ARHGAP39: variants seen among roughly 807,000 people sequenced by gnomAD.
The protein encoded by ARHGAP39 is rho GTPase-activating protein 39.
ARHGAP39 carries 44 observed loss-of-function variants against 106.9 expected under a neutral mutation model. The observed-to-expected ratio is 0.41, with a 90% confidence interval of 0.32 to 0.53. The LOEUF is 0.53. ARHGAP39 is among the 20% of genes least tolerant of loss of function. ARHGAP39 has a pLI of 0.21. For missense variants in ARHGAP39, 1,496 were observed against 1,577.3 expected (o/e 0.95, Z 0.87); for synonymous variants, 768 against 693.2 (o/e 1.11, Z -1.69).
chr8:144,581,788 C>G (rs1434665156), intron 2 of ARHGAP39, among the ~76,000 whole-genome samples: 1 of 152,172 alleles, frequency 6.6e-6, no homozygotes, highest in Non-Finnish European at 1.5e-5. Context: ...GGCCAAGGGC[C>G]CAGCTGGCTC....
chr8:144,603,704 AAG>A (rs1554605173), intron 2 of ARHGAP39, among the ~76,000 whole-genome samples: 2 of 151,684 alleles, frequency 1.3e-5, no homozygotes, highest in African/African-American at 2.4e-5. Flanking sequence ...AAAAAAAAAA[AAG>A]AGGCCAAAAA....
chr8:144,533,428 C>G, intron 8 of ARHGAP39, 103 bp from the exon 9 acceptor site: 1 of 1,178,784 alleles, frequency 8.5e-7, no homozygotes, highest in Non-Finnish European at 1.2e-6. Flanking sequence ...TGGCGCTCTT[C>G]AGAATTCCTG....
intron 3 of ARHGAP39, among the ~76,000 whole-genome samples, chr8:144,569,478 G>A (rs1818512008): frequency 6.6e-6 from 1 of 152,220 alleles, no homozygotes; most frequent in Admixed American, 6.5e-5. Context: ...ACGGATACAT[G>A]TAACAACATG....
chr8:144,633,686 G>T (rs1821118680), intron 1 of ARHGAP39, among the ~76,000 whole-genome samples: 1 of 152,172 alleles, frequency 6.6e-6, no homozygotes, highest in African/African-American at 2.4e-5. Context: ...TTTGAAATTT[G>T]GGCCCCACTG....
intron 1 of ARHGAP39, among the ~76,000 whole-genome samples, chr8:144,677,302 G>C (rs1822268231): frequency 6.6e-6 from 1 of 152,196 alleles, no homozygotes; most frequent in Non-Finnish European, 1.5e-5. Flanking sequence ...AGGTGAACCA[G>C]TTTCCAACTG....
At chr8:144,617,743 G>A (rs1287807185) in intron 1 of ARHGAP39, among the ~76,000 whole-genome samples, 1 of 152,140 alleles carries the variant, frequency 6.6e-6, no homozygotes, top group East Asian at 1.9e-4. Flanking sequence ...TTTATGTTTT[G>A]CTTTCGTCTT....
chr8:144,580,391 C>G (rs1325882197), intron 3 of ARHGAP39, among the ~76,000 whole-genome samples: 1 of 152,252 alleles, frequency 6.6e-6, no homozygotes, highest in Non-Finnish European at 1.5e-5. Flanking sequence ...GAACCACCAC[C>G]TGCCAGGGGC....
intron 3 of ARHGAP39, among the ~76,000 whole-genome samples, chr8:144,571,763 C>T (rs1180672369): frequency 3.3e-5 from 5 of 152,192 alleles, no homozygotes; most frequent in Non-Finnish European, 7.3e-5. Flanking sequence ...CCCCAAATCT[C>T]CTTAAGCTGA....
chr8:144,606,299 T>G (rs1563704624), intron 1 of ARHGAP39, among the ~76,000 whole-genome samples: 1 of 152,182 alleles, frequency 6.6e-6, no homozygotes, highest in East Asian at 1.9e-4. Context: ...GGGCCACATA[T>G]ACATGGATTT....
intron 2 of ARHGAP39, among the ~76,000 whole-genome samples, chr8:144,590,206 T>C (rs995677177): frequency 6.6e-5 from 10 of 152,146 alleles, no homozygotes; most frequent in Admixed American, 2.6e-4. Context: ...GAAGATGCCA[T>C]TGACACTGTG....
intron 1 of ARHGAP39, among the ~76,000 whole-genome samples, chr8:144,656,214 C>T (rs1463566744): frequency 1.4e-5 from 2 of 147,764 alleles, no homozygotes; most frequent in East Asian, 3.9e-4. Context: ...AAAAAAAGGC[C>T]AGGTGTAGTG....
At chr8:144,673,776 C>A (rs536486541) in intron 1 of ARHGAP39, among the ~76,000 whole-genome samples, 213 of 152,358 alleles carry the variant, frequency 1.4e-3, no homozygotes, top group African/African-American at 4.7e-3. Flanking sequence ...CCAGATCCCA[C>A]ACCTGCCAAG....
upstream of ARHGAP39, among the ~76,000 whole-genome samples, chr8:144,686,575 A>G (rs1822595092): frequency 6.6e-6 from 1 of 152,154 alleles, no homozygotes; most frequent in Non-Finnish European, 1.5e-5. Context: ...AAAGGGCTGA[A>G]AGGCCCCCGT....
At chr8:144,639,325 C>CAAAAAAAAAAAAAAAA (rs1320599462) in intron 1 of ARHGAP39, among the ~76,000 whole-genome samples, 1 of 64,910 alleles carries the variant, frequency 1.5e-5, no homozygotes, top group African/African-American at 4.4e-5. Flanking sequence ...GATGCTGTCT[C>CAAAAAAAAAAAAAAAA]AAAAAAAAAA....
intron 3 of ARHGAP39, among the ~76,000 whole-genome samples, chr8:144,563,929 CTT>C (rs1214274179): frequency 1.3e-5 from 2 of 152,136 alleles, no homozygotes; most frequent in Non-Finnish European, 2.9e-5. Flanking sequence ...ATGTGTGAAA[CTT>C]ATATTGCAGT....
intron 2 of ARHGAP39, among the ~76,000 whole-genome samples, chr8:144,597,802 C>T (rs1586593729): frequency 6.6e-6 from 1 of 152,160 alleles, no homozygotes; most frequent in Non-Finnish European, 1.5e-5. Flanking sequence ...GAGCTCAACA[C>T]GTTGGCTCAT....
At chr8:144,690,302 G>A (rs896620603), upstream of ARHGAP39, among the ~76,000 whole-genome samples, 31 of 151,688 alleles carry the variant, frequency 2.0e-4, no homozygotes, top group East Asian at 1.2e-3. Context: ...TAGTAGAGGC[G>A]GGTTTTCACC....
chr8:144,621,394 C>A (rs1023332424), intron 1 of ARHGAP39, among the ~76,000 whole-genome samples: 8 of 152,238 alleles, frequency 5.3e-5, no homozygotes, highest in Non-Finnish European at 4.4e-5. Context: ...GGGAAAACCA[C>A]AAACCCCAGG....
At position 144,667,144 on chromosome 8, in the gene ARHGAP39, A is replaced by C. The variant is rs534171070; in HGVS notation, c.-82+18542T>G. 3.3e-5 allele frequency among the ~76,000 whole-genome samples: 5 copies of C among 152,340 alleles called. No individual in the cohort carries two copies. The South Asian group carries it at 8.3e-4, about 25-fold the overall frequency. On this transcript the variant is annotated intron_variant, in intron 1 of 11. Transcript: ENST00000377307. ...TCCCCAAAGTGAAAAAGAAAGAGAC[A>C]AGGCAGATGCAGCACCCTGATGCTC...
Sources: allele counts gnomAD v4.1 joint callset (sites outside exome capture counted in the v4.1 genomes callset), GRCh38; gene constraint gnomAD v4.1.1; transcripts MANE v1.5; gene names NCBI Gene and HGNC (gene_info 2026-07-23, HGNC 2026-07-21).